Variants in EYS observed in about 807,000 individuals in gnomAD.
EYS encodes EGF-like photoreceptor maintenance factor, also known as protein eyes shut homolog.
A neutral mutation model predicts 282.1 loss-of-function variants in EYS; 250 were observed. The ratio of observed to expected loss-of-function variants is 0.89; its 90% confidence interval spans 0.80 to 0.98. The LOEUF (loss-of-function observed/expected upper bound fraction) is 0.98, where lower values mean the gene tolerates loss of function less well. Among genes scored for constraint, EYS ranks in the 50% least tolerant of loss-of-function variants. The pLI is 0.00. For missense variants in EYS, 4,016 were observed against 3,709.0 expected, an observed-to-expected ratio of 1.08 and a Z score of -2.15; for synonymous variants, 1,355 against 1,282.9, an observed-to-expected ratio of 1.06 and a Z score of -1.20.
rs1768398209 is a variant in EYS at position 63,721,652 on chromosome 6, T to C, written c.8379A>G (p.Ala2793=). The change falls in exon 43 of 43, where the codon GCA becomes GCG. Residue 2793 remains alanine (A), a synonymous_variant. Coordinates refer to ENST00000503581, the MANE Select transcript of EYS (RefSeq NM_001142800.2). ...WHIIKAGRVG[A]EGYLDLDGIN... ...TCCCATCTAGATCCAGGTAGCCTTC[T>C]GCACCAACTCTTCCTGCTTTTATTA... The C allele has an allele frequency of 7.1e-6, 11 of 1,551,534 alleles. No homozygotes were observed. Among genetic ancestry groups the C allele is most frequent in the Non-Finnish European group, 9.6e-6 (11 of 1,146,786 alleles).
At chr6:64,617,561 T>C (rs1767313424) in intron 23 of EYS, 28 bp from the exon 24 acceptor site, 1 of 1,300,412 alleles carries the variant, frequency 7.7e-7, no homozygotes, top group South Asian at 1.3e-5. Flanking sequence ...AAAGCAGATA[T>C]GCAATTTTTA....
At chr6:64,773,680 A>C (rs1484350664) in intron 22 of EYS, among the ~76,000 whole-genome samples, 1 of 151,952 alleles carries the variant, frequency 6.6e-6, no homozygotes, top group Non-Finnish European at 1.5e-5. Context: ...GACTGTTGTG[A>C]GATGGTATCT....
At chr6:64,642,826 T>C (rs1337140326) in intron 22 of EYS, among the ~76,000 whole-genome samples, 2 of 152,172 alleles carry the variant, frequency 1.3e-5, no homozygotes, top group Non-Finnish European at 2.9e-5. Context: ...TATTAATAGA[T>C]AGTACTGGGC....
At chr6:65,167,143 T>A (rs1764992125) in intron 12 of EYS, among the ~76,000 whole-genome samples, 3 of 151,300 alleles carry the variant, frequency 2.0e-5, no homozygotes, top group Non-Finnish European at 4.4e-5. Context: ...TCCTTCACAA[T>A]GTTTAACATA....
At chr6:64,557,127 A>T (rs1016266780) in intron 26 of EYS, among the ~76,000 whole-genome samples, 1 of 151,858 alleles carries the variant, frequency 6.6e-6, no homozygotes, top group African/African-American at 2.4e-5. Context: ...TAAAGAATTC[A>T]GTTTGCCTAG....
At position 65,040,348 on chromosome 6, in the gene EYS, G is replaced by A. The variant is rs547011687; in HGVS notation, c.2137+17266C>T. 7.3e-5 allele frequency among the ~76,000 whole-genome samples: 11 copies of A among 151,642 alleles called. No individual in the cohort carries two copies. The South Asian group carries it at 1.9e-3, about 26-fold the overall frequency. ...GCTTTGTTGATAATGTCTGTCATTC[G>A]ATGGCTTGTAGAAGCATCACCCCAA... On this transcript the variant is annotated intron_variant, in intron 13 of 42. Coordinates refer to ENST00000503581, the MANE Select transcript of EYS (RefSeq NM_001142800.2).
At chr6:65,090,170 C>T (rs1221531192) in intron 12 of EYS, among the ~76,000 whole-genome samples, 3 of 151,934 alleles carry the variant, frequency 2.0e-5, no homozygotes, top group Non-Finnish European at 4.4e-5. Context: ...ACCCATAATC[C>T]CCAGGTGTCA....
chr6:63,962,872 A>G (rs1766135119), intron 35 of EYS, among the ~76,000 whole-genome samples: 1 of 152,222 alleles, frequency 6.6e-6, no homozygotes, highest in African/African-American at 2.4e-5. Context: ...ATGCCCAACA[A>G]CGATAGACTG....
intron 22 of EYS, among the ~76,000 whole-genome samples, chr6:64,784,307 G>A (rs1408410453): frequency 6.6e-6 from 1 of 151,718 alleles, no homozygotes; most frequent in African/African-American, 2.4e-5. Flanking sequence ...TATTAGTGTA[G>A]CAGTTGTATA....
chr6:63,940,703 C>A (rs536760455), intron 35 of EYS, among the ~76,000 whole-genome samples: 9 of 149,926 alleles, frequency 6.0e-5, no homozygotes, highest in Admixed American at 2.7e-4. Context: ...TTTAATCATA[C>A]TTTAACTTCT....
intron 5 of EYS, among the ~76,000 whole-genome samples, chr6:65,435,307 T>C (rs1490153610): frequency 6.6e-6 from 1 of 152,092 alleles, no homozygotes; most frequent in African/African-American, 2.4e-5. Flanking sequence ...AAGGAATTTC[T>C]GTAAGTCAAA....
At chr6:65,654,675 C>A (rs551169748) in intron 1 of EYS, among the ~76,000 whole-genome samples, 1 of 151,810 alleles carries the variant, frequency 6.6e-6, no homozygotes, top group Non-Finnish European at 1.5e-5. Flanking sequence ...AGGTCACTCA[C>A]TTCTGTTCTC....
chr6:64,510,598 C>G (rs1280128857), intron 26 of EYS, among the ~76,000 whole-genome samples: 1 of 152,080 alleles, frequency 6.6e-6, no homozygotes, highest in Non-Finnish European at 1.5e-5. Flanking sequence ...TAAAGGTTGA[C>G]TATTAGTGCG....
chr6:64,958,962 G>C (rs1176291030), intron 14 of EYS, among the ~76,000 whole-genome samples: 1 of 152,046 alleles, frequency 6.6e-6, no homozygotes, highest in African/African-American at 2.4e-5. Context: ...TGAATGACTT[G>C]TATATCTGTA....
At chr6:65,397,431 A>G (rs1562150528) in intron 7 of EYS, among the ~76,000 whole-genome samples, 1 of 151,904 alleles carries the variant, frequency 6.6e-6, no homozygotes. Flanking sequence ...GTCAATGTGT[A>G]CCCATTGTCT....
At chr6:65,300,610 C>G (rs1457853271) in intron 11 of EYS, among the ~76,000 whole-genome samples, 1 of 152,094 alleles carries the variant, frequency 6.6e-6, no homozygotes, top group Non-Finnish European at 1.5e-5. Flanking sequence ...TGGCTCTCCA[C>G]TTATATTGAA....
chr6:64,274,828 G>A (rs1045309047), intron 30 of EYS, among the ~76,000 whole-genome samples: 1 of 151,966 alleles, frequency 6.6e-6, no homozygotes, highest in Non-Finnish European at 1.5e-5. Flanking sequence ...TAAGCACAGT[G>A]CCTGGCCATC....
chr6:64,896,917 C>T (rs1425480293), intron 18 of EYS, among the ~76,000 whole-genome samples: 1 of 152,164 alleles, frequency 6.6e-6, no homozygotes, highest in Non-Finnish European at 1.5e-5. Context: ...TACCTCCTCT[C>T]TGGGCAGGGC....
intron 22 of EYS, among the ~76,000 whole-genome samples, chr6:64,640,688 G>A (rs1030076071): frequency 6.6e-6 from 1 of 152,050 alleles, no homozygotes; most frequent in Non-Finnish European, 1.5e-5. Context: ...CCTGCACATT[G>A]TGCACATGTA....
Sources: allele counts gnomAD v4.1 joint callset (sites outside exome capture counted in the v4.1 genomes callset), GRCh38; gene constraint gnomAD v4.1.1; transcripts MANE v1.5; gene names NCBI Gene and HGNC (gene_info 2026-07-23, HGNC 2026-07-21).